The following ZFAND3 variants were observed in gnomAD, a reference collection of about 807,000 sequenced individuals.
ZFAND3 encodes the protein AN1-type zinc finger protein 3.
In ZFAND3, 10 loss-of-function variants were observed where a neutral mutation model predicts 29.6. The ratio of observed to expected loss-of-function variants is 0.34; its 90% CI spans 0.21 to 0.57. The LOEUF is 0.57. Among genes scored for constraint, ZFAND3 ranks in the 20% least tolerant of loss-of-function variants. The probability of loss-of-function intolerance (pLI) is 0.86; values close to 1 mark genes in which losing one functional copy is unlikely to be tolerated. For missense variants in ZFAND3, 230 were observed against 304.5 expected (o/e 0.76, Z 1.82); for synonymous variants, 128 against 112.6 (o/e 1.14, Z -0.87).
intron 5 of ZFAND3, among the ~76,000 whole-genome samples, chr6:38,136,702 C>T (rs747939323): frequency 6.6e-6 from 1 of 152,194 alleles, no homozygotes; most frequent in Non-Finnish European, 1.5e-5. Context: ...GCCTTGAGGA[C>T]TGTAAGGGTC....
chr6:38,015,243 T>A (rs1193787148), intron 2 of ZFAND3, among the ~76,000 whole-genome samples: 2 of 152,188 alleles, frequency 1.3e-5, no homozygotes, highest in African/African-American at 4.8e-5. Context: ...CTAAATCTCA[T>A]TACTAATCAG....
chr6:38,064,614 C>T (rs1386362756), intron 3 of ZFAND3, among the ~76,000 whole-genome samples: 1 of 149,044 alleles, frequency 6.7e-6, no homozygotes, highest in African/African-American at 2.5e-5. Flanking sequence ...TGGAAATCCA[C>T]ATCATAACCA....
chr6:38,137,899 C>T (rs1391336406), intron 5 of ZFAND3, among the ~76,000 whole-genome samples: 1 of 152,146 alleles, frequency 6.6e-6, no homozygotes, highest in African/African-American at 2.4e-5. Context: ...AGAGTGGAGA[C>T]GCAGCAGGGA....
chr6:38,122,191 A>T (rs1173290439), intron 5 of ZFAND3, among the ~76,000 whole-genome samples: 1 of 152,174 alleles, frequency 6.6e-6, no homozygotes, highest in Non-Finnish European at 1.5e-5. Context: ...ATGGATACCA[A>T]ATTCAAGGAT....
At chr6:37,966,504 G>A (rs1044082535) in intron 2 of ZFAND3, among the ~76,000 whole-genome samples, 4 of 151,984 alleles carry the variant, frequency 2.6e-5, no homozygotes, top group African/African-American at 4.8e-5. Context: ...GAGGCCTTGC[G>A]GTTCATAAGT....
At chr6:38,080,424 T>C (rs1764639469) in intron 3 of ZFAND3, among the ~76,000 whole-genome samples, 1 of 152,100 alleles carries the variant, frequency 6.6e-6, no homozygotes, top group Middle Eastern at 3.2e-3. Context: ...CAACAGTAGA[T>C]AACAGTGTGA....
intron 1 of ZFAND3, among the ~76,000 whole-genome samples, chr6:37,855,793 G>A (rs1037639560): frequency 3.9e-5 from 6 of 152,094 alleles, no homozygotes; most frequent in East Asian, 1.9e-4. Flanking sequence ...AGTGTACTTC[G>A]TTGGTGCCTC....
intron 1 of ZFAND3, among the ~76,000 whole-genome samples, chr6:37,854,227 A>C (rs961762765): frequency 3.9e-5 from 6 of 152,202 alleles, no homozygotes; most frequent in Non-Finnish European, 8.8e-5. Flanking sequence ...CTGGGATTAC[A>C]AGCGTGATCC....
intron 2 of ZFAND3, among the ~76,000 whole-genome samples, chr6:38,007,088 G>A (rs1017953151): frequency 6.6e-6 from 1 of 152,154 alleles, no homozygotes; most frequent in African/African-American, 2.4e-5. Flanking sequence ...ACATACACTT[G>A]CCAACTTTTA....
Position 38,047,881 on chromosome 6 carries a change from C to T in ZFAND3, c.113-13712C>T, listed in dbSNP as rs1007030310. On this transcript the variant is annotated intron_variant, in intron 2 of 5. Coordinates refer to ENST00000287218, the MANE Select transcript of ZFAND3 (RefSeq NM_021943.3). ...AAAGCCTGTAGATTATAGGGTCATT[C>T]GTTTTTGCAGGTAAATTAGCCTAAG... is the stretch of plus-strand genomic sequence containing the variant. Among the ~76,000 whole-genome samples the T allele has an allele frequency of 9.0e-4, 136 of 151,238 alleles. 2 individuals are homozygous for T. Among genetic ancestry groups the T allele is most frequent in the African/African-American group, 3.2e-3 (132 of 41,052 alleles).
intron 2 of ZFAND3, among the ~76,000 whole-genome samples, chr6:38,051,869 TGTTAACA>T (rs1351451718): frequency 6.6e-6 from 1 of 151,114 alleles, no homozygotes; most frequent in Non-Finnish European, 1.5e-5. Context: ...TTTGCTGTAA[TGTTAACA>T]GTTAATTTAT....
chr6:38,013,581 T>C (rs1193535147), intron 2 of ZFAND3, among the ~76,000 whole-genome samples: 1 of 152,214 alleles, frequency 6.6e-6, no homozygotes, highest in African/African-American at 2.4e-5. Flanking sequence ...CCTCAGTTTG[T>C]GATGTAATGG....
chr6:38,002,389 A>T (rs188778525), intron 2 of ZFAND3, among the ~76,000 whole-genome samples: 126 of 151,602 alleles, frequency 8.3e-4, no homozygotes, highest in Admixed American at 2.0e-4. Flanking sequence ...TTACAACACG[A>T]TATTCTAGGC....
At chr6:37,910,391 A>G (rs1038618663) in intron 1 of ZFAND3, among the ~76,000 whole-genome samples, 7 of 152,230 alleles carry the variant, frequency 4.6e-5, no homozygotes, top group African/African-American at 1.7e-4. Flanking sequence ...GGTTTCATTA[A>G]GTGACATGAG....
At chr6:37,874,898 G>A (rs1581726366) in intron 1 of ZFAND3, among the ~76,000 whole-genome samples, 1 of 152,064 alleles carries the variant, frequency 6.6e-6, no homozygotes, top group African/African-American at 2.4e-5. Context: ...CTTAGCTGTG[G>A]GGCTGAAAAA....
At chr6:38,114,433 A>G (rs1308036801) in intron 4 of ZFAND3, among the ~76,000 whole-genome samples, 1 of 152,236 alleles carries the variant, frequency 6.6e-6, no homozygotes, top group Non-Finnish European at 1.5e-5. Flanking sequence ...CTGGGCCTGG[A>G]CAGCTTTGCT....
intron 2 of ZFAND3, among the ~76,000 whole-genome samples, chr6:38,058,000 A>G (rs1431275672): frequency 6.6e-6 from 1 of 152,202 alleles, no homozygotes; most frequent in African/African-American, 2.4e-5. Context: ...AAGAAGGTAC[A>G]CTGTGTCAAC....
At chr6:37,895,674 G>A (rs772027057) in intron 1 of ZFAND3, among the ~76,000 whole-genome samples, 4 of 151,914 alleles carry the variant, frequency 2.6e-5, no homozygotes, top group Non-Finnish European at 5.9e-5. Flanking sequence ...ATATTTTCCT[G>A]CTTCTTTGCA....
At chr6:38,078,608 T>G (rs1764597754) in intron 3 of ZFAND3, among the ~76,000 whole-genome samples, 1 of 152,212 alleles carries the variant, frequency 6.6e-6, no homozygotes, top group Non-Finnish European at 1.5e-5. Flanking sequence ...TTTGTAATTT[T>G]TTTAGACATT....
Sources: allele counts gnomAD v4.1 joint callset (sites outside exome capture counted in the v4.1 genomes callset), GRCh38; gene constraint gnomAD v4.1.1; transcripts MANE v1.5; gene names NCBI Gene and HGNC (gene_info 2026-07-23, HGNC 2026-07-21).